PTPN13: variants seen among roughly 807,000 people sequenced by gnomAD.
The protein encoded by PTPN13 is protein tyrosine phosphatase non-receptor type 13.
Under a neutral mutation model 284.0 loss-of-function variants are expected in PTPN13, and 191 were observed. The observed-to-expected ratio is 0.67, with a 90% CI of 0.60 to 0.76. The LOEUF (loss-of-function observed/expected upper bound fraction) is 0.76, where lower values mean the gene tolerates loss of function less well. Ranked by LOEUF, PTPN13 falls within the 30% of genes least tolerant of loss-of-function variation. The probability of loss-of-function intolerance (pLI) is 0.00; values close to 1 mark genes in which losing one functional copy is unlikely to be tolerated. For synonymous variants in PTPN13, 986 were observed against 1,022.3 expected (o/e 0.96, Z 0.68); for missense variants, 2,797 against 2,939.9 (o/e 0.95, Z 1.12).
rs957988423 is a variant in PTPN13, at chr4:86,741,956, G to A, written c.2487+140G>A. 21 of 657,672 alleles carry A rather than the reference G, an allele frequency of 3.2e-5. No individual in the cohort carries two copies. The South Asian group carries it at 7.9e-4, about 25-fold the overall frequency. 40.7% of individuals were successfully genotyped at this position (657,672 alleles called of 1,614,324 possible). On this transcript the variant is annotated intron_variant, in intron 16 of 47. Transcript: ENST00000411767. ...AATACTATTTAACTCTTCCTTTGTA[G>A]TTGTGGAAATTATTATTGAGATTTT...
In PTPN13 at chr4:86,750,824, A is replaced by G. The variant is rs564540212; in HGVS notation, c.3005A>G (p.Lys1002Arg). ...PPQTVAELVG[K>R]PSHQMSRSDA... ...CAAACCGTTGCAGAGTTGGTGGGAA[A>G]ACCTTCTCACCAGATGTCAAGATCT... The change falls in exon 18 of 48, where the codon AAA (lysine) becomes AGA (arginine). Residue 1002 changes from lysine (K) to arginine (R), a missense_variant. By Grantham distance (26) the Lys-to-Arg change is conservative. Coordinates refer to ENST00000411767, the MANE Select transcript of PTPN13 (RefSeq NM_080683.3). 2.5e-6 allele frequency: 4 copies of G among 1,613,788 alleles called. No homozygotes were observed. The South Asian group carries it at 4.4e-5, about 18-fold the overall frequency.
intron 42 of PTPN13, among the ~76,000 whole-genome samples, chr4:86,800,567 G>A (rs564526319): frequency 1.3e-5 from 2 of 152,054 alleles, no homozygotes; most frequent in South Asian, 2.1e-4. Flanking sequence ...CAGGAGAATC[G>A]CTTGAACCCC....
intron 1 of PTPN13, among the ~76,000 whole-genome samples, chr4:86,632,116 C>A (rs953673800): frequency 2.6e-5 from 4 of 152,106 alleles, no homozygotes; most frequent in African/African-American, 9.7e-5. Flanking sequence ...ATAATTCCCT[C>A]CTTGCCCTTT....
chr4:86,784,683 G>T, intron 38 of PTPN13, 125 bp downstream of exon 38: 1 of 632,048 alleles, frequency 1.6e-6, no homozygotes, highest in Admixed American at 3.5e-5. Flanking sequence ...AAAGATTATT[G>T]GTCAAATAAA....
chr4:86,687,519 T>C (rs1485253933), intron 4 of PTPN13, among the ~76,000 whole-genome samples: 1 of 152,156 alleles, frequency 6.6e-6, no homozygotes, highest in Admixed American at 6.5e-5. Context: ...CTAGGTGTGG[T>C]TTTTTCTTAT....
At chr4:86,783,042 G>A (rs533985279) in intron 37 of PTPN13, among the ~76,000 whole-genome samples, 3 of 152,188 alleles carry the variant, frequency 2.0e-5, no homozygotes, top group South Asian at 2.1e-4. Context: ...AAAATACAGC[G>A]CTGAGGGATT....
At chr4:86,624,412 A>G (rs1235302548) in intron 1 of PTPN13, among the ~76,000 whole-genome samples, 2 of 152,156 alleles carry the variant, frequency 1.3e-5, no homozygotes, top group African/African-American at 2.4e-5. Context: ...ATATGATTCT[A>G]TAGTACCTGA....
At chr4:86,756,431 A>G (rs1423077353) in intron 20 of PTPN13, among the ~76,000 whole-genome samples, 1 of 152,100 alleles carries the variant, frequency 6.6e-6, no homozygotes, top group Non-Finnish European at 1.5e-5. Context: ...AGGATCACCT[A>G]ATATGTAAAG....
In PTPN13 at chr4:86,602,548, G is replaced by A. The variant is rs113451983; in HGVS notation, c.-6+7759G>A. 1.4e-3 allele frequency among the ~76,000 whole-genome samples: 211 copies of A among 152,050 alleles called. 2 individuals are homozygous for A. The highest frequency in any genetic ancestry group is 4.6e-3 in the African/African-American group (192 of 41,444). ...ATGGTTTCTTGTTTCAAAGTTTATA[G>A]GCCTACTTTGTTCCTTGGGCCACAT... On this transcript the variant is annotated intron_variant, in intron 1 of 47. Coordinates refer to ENST00000411767, the MANE Select transcript of PTPN13 (RefSeq NM_080683.3).
chr4:86,611,470 A>G (rs1483532553), intron 1 of PTPN13, among the ~76,000 whole-genome samples: 2 of 152,208 alleles, frequency 1.3e-5, no homozygotes, highest in East Asian at 1.9e-4. Flanking sequence ...AGCATAAGTT[A>G]GTGAAACTTG....
intron 2 of PTPN13, among the ~76,000 whole-genome samples, chr4:86,660,369 G>A (rs1287535714): frequency 2.0e-5 from 3 of 151,532 alleles, no homozygotes; most frequent in Non-Finnish European, 4.4e-5. Context: ...GAGAGCCAAA[G>A]CATGAACTTC....
At chr4:86,599,559 G>A (rs1157450666) in intron 1 of PTPN13, among the ~76,000 whole-genome samples, 6 of 152,124 alleles carry the variant, frequency 3.9e-5, no homozygotes, top group African/African-American at 1.2e-4. Context: ...AGCTACTGTA[G>A]CAAACAGCTC....
intron 5 of PTPN13, among the ~76,000 whole-genome samples, chr4:86,693,342 G>A (rs1203245854): frequency 6.6e-6 from 1 of 152,122 alleles, no homozygotes; most frequent in Non-Finnish European, 1.5e-5. Flanking sequence ...TTTCTAGTTA[G>A]TAGGTTACTC....
chr4:86,637,330 G>T (rs1043683734), intron 2 of PTPN13, among the ~76,000 whole-genome samples: 10 of 152,252 alleles, frequency 6.6e-5, no homozygotes, highest in African/African-American at 2.4e-4. Context: ...CTCATTTTAT[G>T]AGGCCAGCAT....
intron 15 of PTPN13, among the ~76,000 whole-genome samples, chr4:86,737,079 A>G (rs1014565238): frequency 2.0e-5 from 3 of 152,050 alleles, no homozygotes; most frequent in Non-Finnish European, 4.4e-5. Context: ...TTTAAAATAT[A>G]TGTGCAGTTG....
intron 1 of PTPN13, among the ~76,000 whole-genome samples, chr4:86,618,115 G>C (rs1259751808): frequency 2.0e-5 from 3 of 152,052 alleles, no homozygotes; most frequent in Admixed American, 6.5e-5. Flanking sequence ...AAGGTGTAAG[G>C]AAGGGATCCA....
intron 35 of PTPN13, among the ~76,000 whole-genome samples, chr4:86,779,265 A>C (rs1266487491): frequency 6.6e-6 from 1 of 151,834 alleles, no homozygotes; most frequent in Non-Finnish European, 1.5e-5. Flanking sequence ...AATACAAAAA[A>C]TCTTAGCCGG....
In PTPN13 at chr4:86,798,533, G is replaced by A. The variant is rs373222708; in HGVS notation, c.6402-568G>A. 1.2e-4 allele frequency among the ~76,000 whole-genome samples: 18 copies of A among 152,156 alleles called. No individual in the cohort carries two copies. In the South Asian group the frequency reaches 1.2e-3, roughly 11 times the overall value. On this transcript the variant is annotated intron_variant, in intron 41 of 47. Transcript: ENST00000411767. The stretch of plus-strand genomic sequence containing the variant: ...TCACTTCACCTTAGCACTAAACACC[G>A]TTCTCCTACCTAGTTTCTCTTTCCT...
chr4:86,787,728 A>G (rs1193221165), intron 40 of PTPN13, among the ~76,000 whole-genome samples: 3 of 152,214 alleles, frequency 2.0e-5, no homozygotes, highest in Non-Finnish European at 4.4e-5. Context: ...ATAATTTTTT[A>G]ATATACGTTT....
Sources: gnomAD v4.1 joint callset for allele counts (sites outside exome capture counted in the v4.1 genomes callset) on GRCh38, gnomAD v4.1.1 for gene constraint, MANE v1.5 for transcripts, NCBI Gene and HGNC (gene_info 2026-07-23, HGNC 2026-07-21) for gene names.